The following NEGR1 variants were observed in gnomAD, a reference collection of about 807,000 sequenced individuals.
NEGR1 encodes neuronal growth regulator 1.
NEGR1 carries 10 observed loss-of-function variants against 40.9 expected under a neutral mutation model. The observed-to-expected ratio is 0.24, with a 90% CI of 0.15 to 0.42. NEGR1 has a LOEUF of 0.42. Ranked by LOEUF, NEGR1 falls within the 10% of genes least tolerant of loss-of-function variation. The pLI, the probability that NEGR1 is intolerant of heterozygous loss-of-function variation, is 1.00. For missense variants in NEGR1, 352 were observed against 438.9 expected, an observed-to-expected ratio of 0.80 and a Z score of 1.77; for synonymous variants, 185 against 166.8, an observed-to-expected ratio of 1.11 and a Z score of -0.84.
chr1:72,235,612 T>C (rs149338874), intron 1 of NEGR1, among the ~76,000 whole-genome samples: 90 of 152,150 alleles, frequency 5.9e-4, no homozygotes, highest in African/African-American at 2.0e-3. Context: ...AAACATGTTA[T>C]TTAAAATAGT....
chr1:71,685,609 C>T (rs1653007810), intron 4 of NEGR1, among the ~76,000 whole-genome samples: 1 of 152,000 alleles, frequency 6.6e-6, no homozygotes, highest in Non-Finnish European at 1.5e-5. Flanking sequence ...CATGAGCCAC[C>T]GCAGGCCGAG....
intron 6 of NEGR1, among the ~76,000 whole-genome samples, chr1:71,414,381 T>A (rs1441713263): frequency 6.6e-6 from 1 of 152,184 alleles, no homozygotes; most frequent in Non-Finnish European, 1.5e-5. Context: ...TACACTTCCC[T>A]TTTTTGTATC....
At chr1:71,524,976 C>A (rs1647199293) in intron 6 of NEGR1, among the ~76,000 whole-genome samples, 2 of 151,696 alleles carry the variant, frequency 1.3e-5, no homozygotes. Context: ...AGCACACAGC[C>A]CTGCTGACAT....
At chr1:72,130,767 C>T (rs922175379) in intron 1 of NEGR1, among the ~76,000 whole-genome samples, 5 of 152,138 alleles carry the variant, frequency 3.3e-5, no homozygotes, top group Admixed American at 3.3e-4. Context: ...AAATTCATGC[C>T]TCATATCCGC....
chr1:71,788,800 A>G (rs1331450348), intron 2 of NEGR1, among the ~76,000 whole-genome samples: 2 of 151,918 alleles, frequency 1.3e-5, no homozygotes, highest in Non-Finnish European at 2.9e-5. Flanking sequence ...TCTCTTACAG[A>G]TTTATATATT....
At chr1:71,674,034 T>C (rs1363052882) in intron 4 of NEGR1, among the ~76,000 whole-genome samples, 3 of 152,148 alleles carry the variant, frequency 2.0e-5, no homozygotes, top group Non-Finnish European at 4.4e-5. Flanking sequence ...AAAAATAATC[T>C]CTCAACATTT....
intron 2 of NEGR1, among the ~76,000 whole-genome samples, chr1:71,791,652 T>C (rs1657122764): frequency 6.6e-6 from 1 of 152,136 alleles, no homozygotes; most frequent in Non-Finnish European, 1.5e-5. Flanking sequence ...ATCAAAGGCA[T>C]GCTCTTGCCC....
chr1:71,631,510 G>A (rs1215838833), intron 4 of NEGR1, among the ~76,000 whole-genome samples: 1 of 151,738 alleles, frequency 6.6e-6, no homozygotes, highest in Non-Finnish European at 1.5e-5. Flanking sequence ...AGTCTTAGAT[G>A]TTATTTCTTT....
At chr1:71,942,683 T>C (rs1369203500) in intron 1 of NEGR1, among the ~76,000 whole-genome samples, 2 of 138,434 alleles carry the variant, frequency 1.4e-5, no homozygotes, top group South Asian at 2.4e-4. Context: ...TTTGTATTTT[T>C]AGTAGAGACG....
chr1:71,777,967 G>A (rs1018758321), intron 2 of NEGR1, among the ~76,000 whole-genome samples: 1 of 151,652 alleles, frequency 6.6e-6, no homozygotes, highest in African/African-American at 2.4e-5. Context: ...CCAAACAGAG[G>A]GGTCTTTTCA....
At chr1:72,116,212 T>C (rs1649572791) in intron 1 of NEGR1, among the ~76,000 whole-genome samples, 1 of 151,734 alleles carries the variant, frequency 6.6e-6, no homozygotes, top group Non-Finnish European at 1.5e-5. Context: ...CTTTTACTTT[T>C]TATATACTAG....
At chr1:71,663,611 G>A (rs527550859) in intron 4 of NEGR1, among the ~76,000 whole-genome samples, 4 of 152,172 alleles carry the variant, frequency 2.6e-5, no homozygotes, top group East Asian at 1.9e-4. Context: ...TTCAGTTGTC[G>A]CTTTTTAATT....
intron 2 of NEGR1, among the ~76,000 whole-genome samples, chr1:71,909,597 C>A (rs1201304426): frequency 6.6e-6 from 1 of 152,064 alleles, no homozygotes; most frequent in Non-Finnish European, 1.5e-5. Flanking sequence ...CACTCAAGTA[C>A]CCACAATTTA....
At chr1:71,619,837 G>A (rs1244064144) in intron 4 of NEGR1, among the ~76,000 whole-genome samples, 1 of 152,052 alleles carries the variant, frequency 6.6e-6, no homozygotes, top group African/African-American at 2.4e-5. Flanking sequence ...AGGCTCTGCA[G>A]GTGCAAGAAA....
intron 1 of NEGR1, among the ~76,000 whole-genome samples, chr1:71,952,756 G>C (rs1474121243): frequency 6.6e-6 from 1 of 151,892 alleles, no homozygotes; most frequent in Non-Finnish European, 1.5e-5. Flanking sequence ...TGACTCTCTT[G>C]TTGGGGACTA....
chr1:71,849,493 G>A (rs529998474), intron 2 of NEGR1, among the ~76,000 whole-genome samples: 22 of 152,254 alleles, frequency 1.4e-4, no homozygotes, highest in East Asian at 5.8e-4. Flanking sequence ...TACTCCTGGC[G>A]TAGATCTTGT....
intron 3 of NEGR1, among the ~76,000 whole-genome samples, chr1:71,705,714 A>G (rs1393106254): frequency 6.6e-6 from 1 of 151,864 alleles, no homozygotes; most frequent in African/African-American, 2.4e-5. Context: ...AGTGAGACTC[A>G]GTAAAAAGAA....
In NEGR1 at chr1:71,399,341, A is replaced by G. The variant is rs1282780152; in HGVS notation, c.*8105T>C. The G allele has an allele frequency of 1.3e-5, 2 of 152,170 alleles. No homozygotes were observed. The highest frequency in any genetic ancestry group is 2.9e-5 in the Non-Finnish European group (2 of 68,034). The allele number at this position is 152,170 out of a possible 1,614,324, so 9.4% of individuals were successfully genotyped here. On this transcript the variant is annotated 3_prime_UTR_variant, in exon 7 of 7. Transcript: ENST00000357731. ...AGTTATTAGACAGTAACACATTTCA[A>G]AGCATAATTTAGTTGTTTATCAACA... is the stretch of plus-strand genomic sequence containing the variant.
intron 1 of NEGR1, among the ~76,000 whole-genome samples, chr1:72,080,331 G>A (rs1487742237): frequency 5.3e-5 from 8 of 151,836 alleles, no homozygotes; most frequent in Non-Finnish European, 8.8e-5. Context: ...GTTTCTTACT[G>A]AGACAAAAGT....
Sources: allele counts gnomAD v4.1 joint callset (sites outside exome capture counted in the v4.1 genomes callset), GRCh38; gene constraint gnomAD v4.1.1; transcripts MANE v1.5; gene names NCBI Gene and HGNC (gene_info 2026-07-23, HGNC 2026-07-21).